Variants in PCDHGA6 observed in about 807,000 individuals in gnomAD.
PCDHGA6 encodes the protein protocadherin gamma subfamily A, 6.
Under a neutral mutation model 60.6 loss-of-function variants are expected in PCDHGA6, and 41 were observed. The ratio of observed to expected loss-of-function variants is 0.68; its 90% CI spans 0.53 to 0.88. The LOEUF (loss-of-function observed/expected upper bound fraction) is 0.88, where lower values mean the gene tolerates loss of function less well. Ranked by LOEUF, PCDHGA6 falls within the 40% of genes least tolerant of loss-of-function variation. PCDHGA6 has a pLI of 0.00. For synonymous variants in PCDHGA6, 594 were observed against 524.4 expected, an observed-to-expected ratio of 1.13 and a Z score of -1.81; for missense variants, 1,312 against 1,203.0, an observed-to-expected ratio of 1.09 and a Z score of -1.34.
chr5:141,491,390 T>G lies in PCDHGA6; in HGVS notation c.2425-3417T>G. 1 of 1,614,130 alleles carries G rather than the reference T, an allele frequency of 6.2e-7. No individual in the cohort carries two copies. Among genetic ancestry groups the G allele is most frequent in the Admixed American group, 1.7e-5 (1 of 60,028 alleles). ...TTCACCTTTCTGTCAGCGAAGTGCC[T>G]TCAGGGAAACGCAGACGGGGACGGG... On this transcript the variant is annotated intron_variant, in intron 1 of 3. Transcript: ENST00000517434. The surrounding 1 kb of genome is among the most constrained non-coding windows in gnomAD (Gnocchi z 6.9).
chr5:141,476,738 C>T lies in PCDHGA6; in HGVS notation c.2425-18069C>T. 6.2e-7 allele frequency: 1 copy of T among 1,614,076 alleles called. No individual in the cohort carries two copies. The highest frequency in any genetic ancestry group is 2.2e-5 in the East Asian group (1 of 44,880). On this transcript the variant is annotated intron_variant, in intron 1 of 3. Transcript: ENST00000517434. This position sits in a 1 kb window ranked among gnomAD's most constrained non-coding sequence, Gnocchi z 7.6. Reference sequence around the variant, plus strand: ...GCGCGCCCTGGACCGAGAACGGGAGCCTAGTCTCCAGTTAGTGCTGACGGC... The same window carrying T: ...GCGCGCCCTGGACCGAGAACGGGAGTCTAGTCTCCAGTTAGTGCTGACGGC...
intron 1 of PCDHGA6, among the ~76,000 whole-genome samples, chr5:141,451,365 G>C (rs557753113): frequency 2.0e-5 from 3 of 152,116 alleles, no homozygotes; most frequent in Non-Finnish European, 4.4e-5. Context: ...GGATGGATCC[G>C]CTTCTAATCT....
At chr5:141,423,119 G>T (rs769320490) in intron 1 of PCDHGA6, 2 of 1,613,774 alleles carry the variant, frequency 1.2e-6, no homozygotes, top group Non-Finnish European at 1.7e-6. Context: ...CGTACAGCGC[G>T]GGCACTGCTG....
In PCDHGA6 at chr5:141,489,681, A is replaced by T; in HGVS notation, c.2425-5126A>T. ...AGATGCGCATCTCAGAATCAGCAGC[A>T]TCTGGGGCACGATTCCCACTGGACA... On this transcript the variant is annotated intron_variant, in intron 1 of 3. Transcript: ENST00000517434. This position sits in a 1 kb window ranked among gnomAD's most constrained non-coding sequence, Gnocchi z 4.5. 1 of 1,614,174 alleles carries T rather than the reference A, an allele frequency of 6.2e-7. No individual in the cohort carries two copies. The highest frequency in any genetic ancestry group is 8.5e-7 in the Non-Finnish European group (1 of 1,180,010).
chr5:141,418,618 A>T, intron 1 of PCDHGA6: 5 of 1,614,046 alleles, frequency 3.1e-6, no homozygotes, highest in Non-Finnish European at 4.2e-6. Context: ...GCCTTCGGGA[A>T]GACGTGCCTC....
chr5:141,455,833 G>A (rs999291826), intron 1 of PCDHGA6, among the ~76,000 whole-genome samples: 1 of 151,468 alleles, frequency 6.6e-6, no homozygotes, highest in Admixed American at 6.6e-5. Flanking sequence ...CCCTTTTCCT[G>A]TCTATCTGCA....
At chr5:141,406,531 C>T (rs1303471087) in intron 1 of PCDHGA6, among the ~76,000 whole-genome samples, 1 of 152,102 alleles carries the variant, frequency 6.6e-6, no homozygotes, top group African/African-American at 2.4e-5. Flanking sequence ...TATTTTCTGA[C>T]GAAGATTCAA....
chr5:141,494,977 T>C, intron 2 of PCDHGA6, 112 bp downstream of exon 2: 1 of 1,574,332 alleles, frequency 6.4e-7, no homozygotes, highest in East Asian at 2.3e-5. Context: ...TCTCCCTCAG[T>C]TTGAGATCCC....
intron 1 of PCDHGA6, among the ~76,000 whole-genome samples, chr5:141,458,248 G>A (rs173682): frequency 3.3e-5 from 5 of 152,112 alleles, no homozygotes; most frequent in African/African-American, 9.7e-5. Flanking sequence ...AAAATGATAC[G>A]GCTCTGATGA....
At chr5:141,497,540 C>T (rs866982821) in intron 2 of PCDHGA6, among the ~76,000 whole-genome samples, 5 of 134,944 alleles carry the variant, frequency 3.7e-5, no homozygotes, top group African/African-American at 1.1e-4. Context: ...TGCAACAAAC[C>T]TTTTTTTTTT....
intron 1 of PCDHGA6, among the ~76,000 whole-genome samples, chr5:141,449,974 A>T (rs2098661108): frequency 6.6e-6 from 1 of 151,260 alleles, no homozygotes; most frequent in African/African-American, 2.4e-5. Context: ...TTTAGTCCAA[A>T]ATATCACACA....
chr5:141,448,505 T>C (rs1041076095), intron 1 of PCDHGA6, among the ~76,000 whole-genome samples: 24 of 152,172 alleles, frequency 1.6e-4, no homozygotes, highest in African/African-American at 5.8e-4. Flanking sequence ...AGGTAAACAT[T>C]TTATAACTTT....
At chr5:141,403,631 C>T (rs751580878) in intron 1 of PCDHGA6, 8 of 1,613,912 alleles carry the variant, frequency 5.0e-6, no homozygotes, top group South Asian at 2.2e-5. Context: ...CAGCACAGTG[C>T]GCATCCATGT....
intron 1 of PCDHGA6, chr5:141,408,275 T>C: frequency 1.2e-6 from 2 of 1,611,874 alleles, no homozygotes; most frequent in Non-Finnish European, 1.7e-6. Flanking sequence ...GCTGCCTTTG[T>C]TCTACCCCAC....
chr5:141,477,656 C>A lies in PCDHGA6; in HGVS notation c.2425-17151C>A. ...AGTGGGTCGCTATTTCACAATAAAT[C>A]GTGACAATGGCATAGTGTCATCCTT... On this transcript the variant is annotated intron_variant, in intron 1 of 3. Transcript: ENST00000517434. The surrounding 1 kb of genome is among the most constrained non-coding windows in gnomAD (Gnocchi z 4.9). 1 of 1,614,184 alleles carries A rather than the reference C, an allele frequency of 6.2e-7. No homozygotes were observed.
chr5:141,436,700 C>T (rs2097841356), intron 1 of PCDHGA6, among the ~76,000 whole-genome samples: 1 of 152,166 alleles, frequency 6.6e-6, no homozygotes, highest in Non-Finnish European at 1.5e-5. Flanking sequence ...AATGCCAGCA[C>T]ACTCGATGTT....
chr5:141,502,679 T>C (rs943238781), intron 2 of PCDHGA6, among the ~76,000 whole-genome samples: 1 of 152,236 alleles, frequency 6.6e-6, no homozygotes, highest in Non-Finnish European at 1.5e-5. Flanking sequence ...TAGTATTCCC[T>C]GATGATCCTT....
intron 1 of PCDHGA6, chr5:141,383,837 C>G: frequency 6.2e-7 from 1 of 1,613,886 alleles, no homozygotes; most frequent in Non-Finnish European, 8.5e-7. Flanking sequence ...GAAGAAACTG[C>G]CTTCTATGAA....
Position 141,431,789 on chromosome 5 carries a change from G to A in PCDHGA6, c.2424+55282G>A, listed in dbSNP as rs760507500. On this transcript the variant is annotated intron_variant, in intron 1 of 3. Coordinates refer to ENST00000517434, the MANE Select transcript of PCDHGA6 (RefSeq NM_018919.3). This position sits in a 1 kb window ranked among gnomAD's most constrained non-coding sequence, Gnocchi z 4.8. ...CACTGTTCTGGACGTGAACGACAATGCCCCAGAAGTGGTCCTCACCTCTCT... is the reference window on the plus strand; with the variant it reads ...CACTGTTCTGGACGTGAACGACAATACCCCAGAAGTGGTCCTCACCTCTCT... 7.4e-6 allele frequency: 12 copies of A among 1,614,096 alleles called. No homozygotes were observed. The highest frequency in any genetic ancestry group is 5.9e-6 in the Non-Finnish European group (7 of 1,180,042).
Sources: gnomAD v4.1 joint callset for allele counts (sites outside exome capture counted in the v4.1 genomes callset) on GRCh38, gnomAD v4.1.1 for gene constraint, Gnocchi (gnomAD v3.1) non-coding constraint, MANE v1.5 for transcripts, NCBI Gene and HGNC (gene_info 2026-07-23, HGNC 2026-07-21) for gene names.